Variants in SPAG16 observed in about 807,000 individuals in gnomAD.
SPAG16 encodes the protein sperm associated antigen 16.
A neutral mutation model predicts 80.4 loss-of-function variants in SPAG16; 86 were observed. The observed-to-expected ratio is 1.07, with a 90% confidence interval of 0.90 to 1.28. SPAG16 has a LOEUF of 1.28. Among genes scored for constraint, SPAG16 ranks in the 50% most tolerant of loss-of-function variants. The probability of loss-of-function intolerance (pLI) is 0.00; values close to 1 mark genes in which losing one functional copy is unlikely to be tolerated. For synonymous variants in SPAG16, 294 were observed against 265.9 expected (o/e 1.11, Z -1.03); for missense variants, 870 against 765.3 (o/e 1.14, Z -1.61).
At chr2:213,973,255 C>T (rs751839928) in intron 12 of SPAG16, among the ~76,000 whole-genome samples, 4 of 152,130 alleles carry the variant, frequency 2.6e-5, no homozygotes, top group Non-Finnish European at 4.4e-5. Flanking sequence ...AAATTACCTT[C>T]CTGGCTTTTT....
intron 10 of SPAG16, among the ~76,000 whole-genome samples, chr2:213,667,729 C>G (rs1218779169): frequency 6.6e-6 from 1 of 152,004 alleles, no homozygotes; most frequent in South Asian, 2.1e-4. Flanking sequence ...ATTTATATTC[C>G]AAATATAGCA....
rs533904691 is a variant in SPAG16 at position 214,234,692 on chromosome 2, G to A, written c.1720+85426G>A. The stretch of plus-strand genomic sequence containing the variant: ...TGTTGGATGCATGTATGCCTTCTGA[G>A]AAGTGCCTGTTTATGTCCTTTGCCC... On this transcript the variant is annotated intron_variant, in intron 15 of 15. Transcript: ENST00000331683. Among the ~76,000 whole-genome samples, 5 of 152,166 alleles carry A rather than the reference G, an allele frequency of 3.3e-5. No homozygotes were observed. The South Asian group carries it at 1.0e-3, about 32-fold the overall frequency.
chr2:213,498,593 C>T (rs2074596631), intron 10 of SPAG16, among the ~76,000 whole-genome samples: 1 of 152,076 alleles, frequency 6.6e-6, no homozygotes, highest in Non-Finnish European at 1.5e-5. Flanking sequence ...GCTGCAATGA[C>T]TGTTAATTCA....
rs185583722 is a variant in SPAG16 at position 213,965,921 on chromosome 2, G to A, written c.1400+35776G>A. On this transcript the variant is annotated intron_variant, in intron 12 of 15. Transcript: ENST00000331683. ...GGGATGACAGCCTCTGGTTCTGTAGGAATACTTTCATTCTATAAGTGAGAT... is the reference window on the plus strand; with the variant it reads ...GGGATGACAGCCTCTGGTTCTGTAGAAATACTTTCATTCTATAAGTGAGAT... 1.1e-4 allele frequency among the ~76,000 whole-genome samples: 17 copies of A among 152,236 alleles called. No homozygotes were observed. In the East Asian group the frequency reaches 2.7e-3, roughly 24 times the overall value.
At chr2:214,348,027 G>A (rs963528570) in intron 15 of SPAG16, among the ~76,000 whole-genome samples, 1 of 152,138 alleles carries the variant, frequency 6.6e-6, no homozygotes, top group Non-Finnish European at 1.5e-5. Flanking sequence ...GGATCACTAC[G>A]GACCAGTGAC....
At chr2:214,198,011 T>G (rs2057895982) in intron 15 of SPAG16, among the ~76,000 whole-genome samples, 1 of 152,068 alleles carries the variant, frequency 6.6e-6, no homozygotes, top group South Asian at 2.1e-4. Flanking sequence ...ACTCCACAAA[T>G]AAATCGTGTA....
At chr2:213,420,097 A>T (rs2069498180) in intron 9 of SPAG16, among the ~76,000 whole-genome samples, 1 of 152,204 alleles carries the variant, frequency 6.6e-6, no homozygotes, top group Admixed American at 6.5e-5. Context: ...TACAATTTTC[A>T]TTTATACTGT....
At chr2:213,705,302 G>A (rs911903251) in intron 10 of SPAG16, among the ~76,000 whole-genome samples, 6 of 151,838 alleles carry the variant, frequency 4.0e-5, no homozygotes, top group African/African-American at 1.5e-4. Flanking sequence ...GAGGGAGGAA[G>A]GAAGGAAGGA....
chr2:213,472,820 C>T (rs546863048), intron 9 of SPAG16, among the ~76,000 whole-genome samples: 2 of 152,322 alleles, frequency 1.3e-5, no homozygotes, highest in East Asian at 3.9e-4. Context: ...TCAATGTCAG[C>T]TCAGAGGCAG....
chr2:214,008,972 T>C (rs977094722), intron 12 of SPAG16, among the ~76,000 whole-genome samples: 2 of 152,172 alleles, frequency 1.3e-5, no homozygotes, highest in African/African-American at 4.8e-5. Context: ...GTGGAGCCTT[T>C]CTTGAATCTC....
chr2:214,389,116 C>A (rs1159206679), intron 15 of SPAG16, among the ~76,000 whole-genome samples: 1 of 152,110 alleles, frequency 6.6e-6, no homozygotes, highest in South Asian at 2.1e-4. Context: ...AATACAAAGG[C>A]ATATGTAACC....
chr2:213,640,592 T>C (rs1016785022), intron 10 of SPAG16, among the ~76,000 whole-genome samples: 15 of 152,170 alleles, frequency 9.9e-5, no homozygotes, highest in African/African-American at 3.6e-4. Flanking sequence ...AGTTCTGTGA[T>C]GTGATCTGTC....
intron 10 of SPAG16, among the ~76,000 whole-genome samples, chr2:213,646,736 T>C (rs1156880053): frequency 6.6e-6 from 1 of 152,218 alleles, no homozygotes; most frequent in Non-Finnish European, 1.5e-5. Context: ...TTGTATACTG[T>C]GTGATGAAGT....
intron 10 of SPAG16, among the ~76,000 whole-genome samples, chr2:213,845,043 T>A (rs746212845): frequency 2.6e-5 from 4 of 152,220 alleles, no homozygotes; most frequent in Non-Finnish European, 4.4e-5. Context: ...CAATCTCTTC[T>A]GGCTCCATTG....
chr2:214,271,518 T>A (rs977855754), intron 15 of SPAG16, among the ~76,000 whole-genome samples: 3 of 152,164 alleles, frequency 2.0e-5, no homozygotes, highest in Non-Finnish European at 4.4e-5. Flanking sequence ...TAAGAGAAAC[T>A]GGCCACGTGT....
chr2:213,759,231 T>A (rs1303500482), intron 10 of SPAG16, among the ~76,000 whole-genome samples: 4 of 152,022 alleles, frequency 2.6e-5, no homozygotes, highest in South Asian at 2.1e-4. Context: ...GAAATAAAGA[T>A]CTTAATAAAG....
chr2:213,476,130 A>G (rs571980247), intron 9 of SPAG16, among the ~76,000 whole-genome samples: 1 of 152,332 alleles, frequency 6.6e-6, no homozygotes, highest in South Asian at 2.1e-4. Context: ...CATTCTACCC[A>G]CTAATATTAT....
intron 10 of SPAG16, among the ~76,000 whole-genome samples, chr2:213,757,126 A>C (rs981624540): frequency 6.6e-6 from 1 of 152,232 alleles, no homozygotes; most frequent in African/African-American, 2.4e-5. Context: ...ATTGGGTTAA[A>C]ATAGCATCAA....
chr2:213,849,535 A>G (rs1320941319), intron 10 of SPAG16, among the ~76,000 whole-genome samples: 1 of 152,240 alleles, frequency 6.6e-6, no homozygotes, highest in South Asian at 2.1e-4. Flanking sequence ...GTCATTATTT[A>G]TATGTCATTA....
Sources: allele counts gnomAD v4.1 joint callset (sites outside exome capture counted in the v4.1 genomes callset), GRCh38; gene constraint gnomAD v4.1.1; transcripts MANE v1.5; gene names NCBI Gene and HGNC (gene_info 2026-07-23, HGNC 2026-07-21).